The following ACE variants were observed in gnomAD, a reference collection of about 807,000 sequenced individuals.
ACE encodes the protein angiotensin I converting enzyme, also known as angiotensin-converting enzyme.
Under a neutral mutation model 162.3 loss-of-function variants are expected in ACE, and 122 were observed. The observed-to-expected ratio is 0.75, with a 90% CI of 0.65 to 0.87. The LOEUF is 0.87. Among genes scored for constraint, ACE ranks in the 40% least tolerant of loss-of-function variants. The probability of loss-of-function intolerance (pLI) is 0.00; values close to 1 mark genes in which losing one functional copy is unlikely to be tolerated. For missense variants in ACE, 1,799 were observed against 1,735.1 expected, an observed-to-expected ratio of 1.04 and a Z score of -0.65; for synonymous variants, 796 against 720.6, an observed-to-expected ratio of 1.10 and a Z score of -1.68.
chr17:63,481,199 G>A lies in ACE; in HGVS notation c.945+11G>A. 6 of 1,550,684 alleles carry A rather than the reference G, an allele frequency of 3.9e-6. No individual in the cohort carries two copies. Among genetic ancestry groups the A allele is most frequent in the Non-Finnish European group, 5.3e-6 (6 of 1,141,830 alleles). ...ACTATGCTGCAGCAGGTAAGCTCTG[G>A]GCTCAAGCCTGGGGTGGTGGGGGTC... On this transcript the variant is annotated intron_variant, in intron 6 of 24. Coordinates refer to ENST00000290866, the MANE Select transcript of ACE (RefSeq NM_000789.4).
chr17:63,482,770 C>G, intron 8 of ACE, 81 bp downstream of exon 8: 1 of 1,438,940 alleles, frequency 6.9e-7, no homozygotes, highest in Non-Finnish European at 9.7e-7. Flanking sequence ...TTGCCCCACT[C>G]AGCTCTGCCC....
intron 3 of ACE, 105 bp from the exon 4 acceptor site, chr17:63,479,664 C>T (rs2049674450): frequency 2.7e-6 from 4 of 1,491,030 alleles, no homozygotes; most frequent in Non-Finnish European, 2.8e-6. Flanking sequence ...CCGTGATGTT[C>T]AGGAAGCTGG....
At position 63,488,904 on chromosome 17, in the gene ACE, G is replaced by A. The variant is rs2030176355; in HGVS notation, c.2450-37G>A. ...TAGATCCCTGGAGGAGGCAGGTAAT[G>A]TGGTGTTGGGAGAGCCTGGCTGTGT... On this transcript the variant is annotated intron_variant, in intron 16 of 24. Coordinates refer to ENST00000290866, the MANE Select transcript of ACE (RefSeq NM_000789.4). The A allele has an allele frequency of 3.1e-6, 5 of 1,613,818 alleles. No homozygotes were observed. In the East Asian group the frequency reaches 1.1e-4, roughly 36 times the overall value.
In ACE at chr17:63,486,305, C is replaced by CT. The variant is rs1444421275; in HGVS notation, c.2059-250dup. On this transcript the variant is annotated intron_variant, in intron 13 of 24. Transcript: ENST00000290866. Reference sequence around the variant, plus strand: ...CTCCTTCCTAAGGGCCTTTACGACACTTGGGGGTCTTCTCTTCTCTGCCCC... The same window carrying CT: ...CTCCTTCCTAAGGGCCTTTACGACACTTTGGGGGTCTTCTCTTCTCTGCCCC... 6 of 566,664 alleles carry CT rather than the reference C, an allele frequency of 1.1e-5. No homozygotes were observed. In the Admixed American group the frequency reaches 1.2e-4, roughly 11 times the overall value. 35.1% of individuals were successfully genotyped at this position (566,664 alleles called of 1,614,324 possible). A position where few individuals can be genotyped will look rare whatever the true frequency, so the allele number is the denominator to read the frequency against.
rs749644747 is a variant in ACE at position 63,497,522 on chromosome 17, A to G, written c.*156A>G. On this transcript the variant is annotated 3_prime_UTR_variant, in exon 25 of 25. Transcript: ENST00000290866. ...TCCCCTCCCAGTCCTCCAGACCACC[A>G]GCCGCCCCAGCCCCTTCTCCCAGCA... is the stretch of plus-strand genomic sequence containing the variant. 16 of 730,874 alleles carry G rather than the reference A, an allele frequency of 2.2e-5. No individual in the cohort carries two copies. The highest frequency in any genetic ancestry group is 2.3e-4 in the Middle Eastern group (1 of 4,434). The allele number at this position is 730,874 out of a possible 1,614,324, so 45.3% of individuals were successfully genotyped here.
rs757997489 is a variant in ACE, at chr17:63,497,247, G to A, written c.3802G>A (p.Ala1268Thr). ...GQWLLLFLGI[A>T]LLVATLGLSQ... ...GTGGCTGCTGCTCTTCCTGGGCATC[G>A]CCCTGCTGGTAGCCACCCTGGGCCT... Residue 1268 changes from alanine (A) to threonine (T), a missense_variant, in exon 25 of 25, where the codon GCC becomes ACC. Coordinates refer to ENST00000290866, the MANE Select transcript of ACE (RefSeq NM_000789.4). 2.2e-5 allele frequency: 35 copies of A among 1,578,454 alleles called. No individual in the cohort carries two copies. Among genetic ancestry groups the A allele is most frequent in the East Asian group, 2.1e-4 (9 of 43,632 alleles).
Position 63,491,405 on chromosome 17 carries a change from C to G in ACE, c.2912+24C>G, listed in dbSNP as rs1181799349. 1 of 1,613,716 alleles carries G rather than the reference C, an allele frequency of 6.2e-7. No individual in the cohort carries two copies. Among genetic ancestry groups the G allele is most frequent in the Admixed American group, 1.7e-5 (1 of 60,020 alleles). ...CGGTACATCCAGCTAGGGCTCAGGT[C>G]TCGTTCCTGAGCCCCACGGGCAAGG... On this transcript the variant is annotated intron_variant, in intron 19 of 24. Coordinates refer to ENST00000290866, the MANE Select transcript of ACE (RefSeq NM_000789.4). This position sits in a 1 kb window ranked among gnomAD's most constrained non-coding sequence, Gnocchi z 4.4.
rs963984458 is a variant in ACE at position 63,497,180 on chromosome 17, C to T, written c.3735C>T (p.Phe1245=). 6.2e-7 allele frequency: 1 copy of T among 1,604,202 alleles called. No homozygotes were observed. The highest frequency in any genetic ancestry group is 8.5e-7 in the Non-Finnish European group (1 of 1,179,198). ...TCCCAGACAGCGGCCGCGTCAGCTT[C>T]CTGGGCCTGGACCTGGATGCGCAGC... ...GPLPDSGRVS[F]LGLDLDAQQA... is the part of the protein sequence containing the mutation. The change falls in exon 25 of 25, where the codon TTC becomes TTT. Residue 1245 remains phenylalanine, a synonymous_variant. Transcript: ENST00000290866.
intron 8 of ACE, 31 bp downstream of exon 8, chr17:63,482,720 C>T (rs1177368822): frequency 6.2e-7 from 1 of 1,604,956 alleles, no homozygotes; most frequent in South Asian, 1.1e-5. Context: ...CCCCACCCAG[C>T]CTCACCTAAA....
Position 63,485,410 on chromosome 17 carries a change from G to A in ACE, c.2058+38G>A, listed in dbSNP as rs896784452. 4 of 1,612,878 alleles carry A rather than the reference G, an allele frequency of 2.5e-6. No homozygotes were observed. In the African/African-American group the frequency reaches 4.0e-5, roughly 16 times the overall value. ...TCCCCACCCCCAAACCTGAGCATGT[G>A]CATACACACAGAGATGCTGTCCCGC... is the stretch of plus-strand genomic sequence containing the variant. On this transcript the variant is annotated intron_variant, in intron 13 of 24. Coordinates refer to ENST00000290866, the MANE Select transcript of ACE (RefSeq NM_000789.4).
Position 63,497,691 on chromosome 17 carries a change from G to C in ACE, c.*325G>C. 1.8e-6 allele frequency: 1 copy of C among 552,378 alleles called. No individual in the cohort carries two copies. The highest frequency in any genetic ancestry group is 3.4e-6 in the Non-Finnish European group (1 of 297,200). 34.2% of individuals were successfully genotyped at this position (552,378 alleles called of 1,614,324 possible). A position where few individuals can be genotyped will look rare whatever the true frequency, so the allele number is the denominator to read the frequency against. On this transcript the variant is annotated 3_prime_UTR_variant, in exon 25 of 25. Transcript: ENST00000290866. ...TGCTTTCCTGCCTCCTGGCAGTCAA[G>C]TGGGTCCCGTTACTAGGTTTGTTCC... is the stretch of plus-strand genomic sequence containing the variant.
chr17:63,479,481 C>T (rs1424490846), intron 3 of ACE, among the ~76,000 whole-genome samples: 1 of 152,184 alleles, frequency 6.6e-6, no homozygotes, highest in Non-Finnish European at 1.5e-5. Context: ...TCGAGGAAGG[C>T]ACTCCATCCA....
chr17:63,487,295 G>A (rs1200011996), intron 15 of ACE, among the ~76,000 whole-genome samples: 2 of 152,014 alleles, frequency 1.3e-5, no homozygotes, highest in Non-Finnish European at 2.9e-5. Context: ...CCTCAGAACC[G>A]CCCTCTGCTT....
At chr17:63,494,328 G>T (rs1314527541) in intron 21 of ACE, 44 bp from the exon 22 acceptor site, 2 of 1,587,948 alleles carry the variant, frequency 1.3e-6, no homozygotes, top group Middle Eastern at 1.7e-4. Flanking sequence ...CCCCAGCCTG[G>T]TTCTCCCCAA....
Position 63,477,200 on chromosome 17 carries a change from C to G in ACE, c.106C>G (p.Pro36Ala). ...CCTGGCGTTGGACCCCGGGCTGCAG[C>G]CCGGCAACTTTTCTGCTGACGAGGC... ...PALALDPGLQ[P>A]GNFSADEAGA... The change falls in exon 1 of 25, where the codon CCC becomes GCC. Residue 36 changes from proline to alanine, a missense_variant. Coordinates refer to ENST00000290866, the MANE Select transcript of ACE (RefSeq NM_000789.4). 2.0e-6 allele frequency: 3 copies of G among 1,487,252 alleles called. No individual in the cohort carries two copies. The highest frequency in any genetic ancestry group is 2.7e-6 in the Non-Finnish European group (3 of 1,122,948). 92.1% of individuals were successfully genotyped at this position (1,487,252 alleles called of 1,614,324 possible). A position where few individuals can be genotyped will look rare whatever the true frequency, so the allele number is the denominator to read the frequency against.
At position 63,486,698 on chromosome 17, in the gene ACE, G is replaced by T. The variant is rs199785479; in HGVS notation, c.2200G>T (p.Ala734Ser). ...GGACCTAGAACGGGCAGCACTGCCT[G>T]CCCAGGAGCTGGAGGAGGTGTGTGG... ...VQDLERAALP[A>S]QELEEYNKIL... Residue 734 changes from alanine (A) to serine (S), a missense_variant, in exon 14 of 25, where the codon GCC becomes TCC. Coordinates refer to ENST00000290866, the MANE Select transcript of ACE (RefSeq NM_000789.4). 21 of 1,614,120 alleles carry T rather than the reference G, an allele frequency of 1.3e-5. No homozygotes were observed. Among genetic ancestry groups the T allele is most frequent in the Non-Finnish European group, 1.6e-5 (19 of 1,180,048 alleles).
Position 63,477,167 on chromosome 17 carries a change from C to T in ACE, c.73C>T (p.Gln25Ter), listed in dbSNP as rs1237545952. 1 of 1,456,630 alleles carries T rather than the reference C, an allele frequency of 6.9e-7. No homozygotes were observed. The highest frequency in any genetic ancestry group is 9.0e-7 in the Non-Finnish European group (1 of 1,106,778). The allele number at this position is 1,456,630 out of a possible 1,614,324, so 90.2% of individuals were successfully genotyped here. A position where few individuals can be genotyped will look rare whatever the true frequency, so the allele number is the denominator to read the frequency against. Residue 25 changes from glutamine to a stop codon, truncating the protein, a stop_gained, in exon 1 of 25, where the codon CAG (glutamine) becomes TAG (stop). Transcript: ENST00000290866. LOFTEE classifies it high-confidence loss of function. The stretch of plus-strand genomic sequence containing the variant: ...GCCGCTGCTGTTGCTGCTGCCGCCG[C>T]AGCCCGCCCTGGCGTTGGACCCCGG... Reference protein sequence around the residue: ...PLPLLLLLPPQPALALDPGLQ... With the variant: ...PLPLLLLLPP
chr17:63,480,367 C>T lies in ACE; in HGVS notation c.686C>T (p.Ser229Phe), dbSNP rs1376819053. The change falls in exon 5 of 25, where the codon TCC becomes TTC. Residue 229 changes from serine (S) to phenylalanine (F), a missense_variant. Physicochemically the swap from Ser to Phe is radical, Grantham distance 155. Coordinates refer to ENST00000290866, the MANE Select transcript of ACE (RefSeq NM_000789.4). ...GFTDTGAYWR[S>F]WYNSPTFEDD... ...ACAGACACGGGGGCCTACTGGCGCT[C>T]CTGGTACAACTCCCCCACCTTCGAG... 2 of 1,614,074 alleles carry T rather than the reference C, an allele frequency of 1.2e-6. No homozygotes were observed. Among genetic ancestry groups the T allele is most frequent in the Non-Finnish European group, 1.7e-6 (2 of 1,180,038 alleles).
At chr17:63,480,197 T>A in intron 4 of ACE, 140 bp from the exon 5 acceptor site, 1 of 962,536 alleles carries the variant, frequency 1.0e-6, no homozygotes, top group Non-Finnish European at 1.6e-6. Context: ...TTAGAAATTG[T>A]AGAGTGGCAA....
Sources: gnomAD v4.1 joint callset for allele counts (sites outside exome capture counted in the v4.1 genomes callset) on GRCh38, gnomAD v4.1.1 for gene constraint, Gnocchi (gnomAD v3.1) non-coding constraint, MANE v1.5 for transcripts, NCBI Gene and HGNC (gene_info 2026-07-23, HGNC 2026-07-21) for gene names.